PELI2: variants seen among roughly 807,000 people sequenced by gnomAD.
PELI2 encodes E3 ubiquitin-protein ligase pellino homolog 2.
In PELI2, 23 loss-of-function variants were observed where a neutral mutation model predicts 42.3. The ratio of observed to expected loss-of-function variants is 0.54; its 90% CI spans 0.39 to 0.77. The LOEUF (loss-of-function observed/expected upper bound fraction) is 0.77. PELI2 is among the 30% of genes least tolerant of loss of function. The pLI, the probability that PELI2 is intolerant of heterozygous loss-of-function variation, is 0.00. For missense variants in PELI2, 463 were observed against 553.2 expected (o/e 0.84, Z 1.64); for synonymous variants, 245 against 212.2 (o/e 1.15, Z -1.34).
chr14:56,192,134 T>C (rs242397), intron 2 of PELI2, among the ~76,000 whole-genome samples: 127,514 of 152,276 alleles, frequency 0.84, 53,949 homozygotes, highest in African/African-American at 0.96. Context: ...GGATTACAGG[T>C]GTGAGCCACC....
intron 2 of PELI2, among the ~76,000 whole-genome samples, chr14:56,232,017 G>A (rs1478442416): frequency 6.6e-6 from 1 of 152,138 alleles, no homozygotes; most frequent in African/African-American, 2.4e-5. Context: ...AGAAGAAATG[G>A]ATAAATTCCT....
intron 2 of PELI2, among the ~76,000 whole-genome samples, chr14:56,213,533 A>C (rs1364623833): frequency 6.6e-6 from 1 of 152,224 alleles, no homozygotes. Context: ...TAAGTAGAAA[A>C]AGAGCAAAGC....
intron 2 of PELI2, among the ~76,000 whole-genome samples, chr14:56,203,097 T>C (rs1051563737): frequency 6.6e-5 from 10 of 152,310 alleles, no homozygotes; most frequent in Non-Finnish European, 1.3e-4. Flanking sequence ...GTGATAATAG[T>C]ATTGTGATTA....
chr14:56,277,396 A>C (rs868606155), intron 2 of PELI2, among the ~76,000 whole-genome samples: 7 of 151,998 alleles, frequency 4.6e-5, no homozygotes, highest in African/African-American at 1.7e-4. Flanking sequence ...CTAATGCCTG[A>C]TGATCTGTCA....
chr14:56,269,468 A>G (rs1268600057), intron 2 of PELI2, among the ~76,000 whole-genome samples: 1 of 152,064 alleles, frequency 6.6e-6, no homozygotes, highest in Non-Finnish European at 1.5e-5. Flanking sequence ...AATAGATTGC[A>G]CATTAGGTTG....
At chr14:56,137,543 A>T (rs747056384) in intron 1 of PELI2, among the ~76,000 whole-genome samples, 29 of 152,148 alleles carry the variant, frequency 1.9e-4, no homozygotes, top group Non-Finnish European at 3.2e-4. Flanking sequence ...CTTCTGCTGG[A>T]GATCAGGCTC....
At chr14:56,141,825 G>T (rs765493390) in intron 1 of PELI2, among the ~76,000 whole-genome samples, 1 of 152,194 alleles carries the variant, frequency 6.6e-6, no homozygotes, top group Admixed American at 6.5e-5. Flanking sequence ...GTGAGATTTG[G>T]TTGGGGACAC....
intron 1 of PELI2, among the ~76,000 whole-genome samples, chr14:56,141,198 C>T (rs560791707): frequency 8.9e-4 from 136 of 152,246 alleles, no homozygotes; most frequent in African/African-American, 3.2e-3. Context: ...GACAAAGTTT[C>T]CATTTGATTC....
intron 2 of PELI2, among the ~76,000 whole-genome samples, chr14:56,205,405 T>C (rs1025107499): frequency 4.6e-5 from 7 of 152,236 alleles, no homozygotes; most frequent in African/African-American, 1.7e-4. Flanking sequence ...GTCATGAGCC[T>C]GTAGGGGAGG....
chr14:56,149,277 T>C (rs1266471680), intron 1 of PELI2, among the ~76,000 whole-genome samples: 1 of 152,210 alleles, frequency 6.6e-6, no homozygotes, highest in Non-Finnish European at 1.5e-5. Flanking sequence ...ATATCCATGG[T>C]TATTGAAAAG....
intron 1 of PELI2, among the ~76,000 whole-genome samples, chr14:56,154,816 G>T (rs1349262518): frequency 6.6e-6 from 1 of 152,122 alleles, no homozygotes; most frequent in Admixed American, 6.5e-5. Flanking sequence ...CTTTTATAAG[G>T]GTGTTGATGA....
At position 56,118,671 on chromosome 14, in the gene PELI2, C is replaced by T; in HGVS notation, c.11C>T (p.Pro4Leu). Residue 4 changes from proline (P) to leucine (L), a missense_variant, in exon 1 of 6, where the codon CCT becomes CTT. Physicochemically the swap from Pro to Leu is moderately conservative, Grantham distance 98 (BLOSUM62 -3). Around this residue, in one of 3 missense-constraint regions of PELI2, gnomAD observed 343 missense variants for 378.4 expected, o/e 0.91. Transcript: ENST00000267460. MFS[P>L]GQEEHCAPNK... ...GCCGAGCGGGGCTCCATGTTTTCCC[C>T]TGGCCAGGAGGAACACTGCGCCCCC... 1 of 1,473,516 alleles carries T rather than the reference C, an allele frequency of 6.8e-7. No homozygotes were observed. The highest frequency in any genetic ancestry group is 9.0e-7 in the Non-Finnish European group (1 of 1,108,146). The allele number at this position is 1,473,516 out of a possible 1,614,324, so 91.3% of individuals were successfully genotyped here. A position where few individuals can be genotyped will look rare whatever the true frequency, so the allele number is the denominator to read the frequency against.
At chr14:56,163,147 T>G (rs1397647323) in intron 1 of PELI2, among the ~76,000 whole-genome samples, 1 of 152,240 alleles carries the variant, frequency 6.6e-6, no homozygotes, top group African/African-American at 2.4e-5. Context: ...AGGAAATTTT[T>G]GACTAGGCCA....
chr14:56,288,136 G>T lies in PELI2; in HGVS notation c.310-301G>T, dbSNP rs182649563. ...AAGTTCTAGAGAGTTGCTGTGCACC[G>T]TTCTGCCTGTAGTCAACAATGACTG... On this transcript the variant is annotated intron_variant, in intron 3 of 5. Coordinates refer to ENST00000267460, the MANE Select transcript of PELI2 (RefSeq NM_021255.3). The surrounding 1 kb of genome is among the most constrained non-coding windows in gnomAD (Gnocchi z 4.6). 6.6e-6 allele frequency among the ~76,000 whole-genome samples: 1 copy of T among 152,172 alleles called. No homozygotes were observed. The highest frequency in any genetic ancestry group is 2.4e-5 in the African/African-American group (1 of 41,436).
chr14:56,256,925 C>G (rs1888546541), intron 2 of PELI2, among the ~76,000 whole-genome samples: 1 of 152,176 alleles, frequency 6.6e-6, no homozygotes, highest in African/African-American at 2.4e-5. Context: ...AGCTGTCTAA[C>G]TAGCTAGGTA....
chr14:56,257,726 A>T (rs1888571964), intron 2 of PELI2, among the ~76,000 whole-genome samples: 1 of 152,186 alleles, frequency 6.6e-6, no homozygotes. Context: ...TCCCTGAGAG[A>T]AGGGAAATAA....
At chr14:56,122,260 T>TA (rs371358451) in intron 1 of PELI2, among the ~76,000 whole-genome samples, 35 of 151,584 alleles carry the variant, frequency 2.3e-4, no homozygotes, top group African/African-American at 6.8e-4. Context: ...TAAAGTATAA[T>TA]AAAAAAAAAT....
intron 2 of PELI2, among the ~76,000 whole-genome samples, chr14:56,181,037 T>C (rs186058139): frequency 6.6e-6 from 1 of 152,322 alleles, no homozygotes; most frequent in East Asian, 1.9e-4. Context: ...CCGTAGCATC[T>C]ATAGCTTGTA....
At chr14:56,237,669 G>C (rs1644498345) in intron 2 of PELI2, among the ~76,000 whole-genome samples, 1 of 150,000 alleles carries the variant, frequency 6.7e-6, no homozygotes, top group South Asian at 2.1e-4. Context: ...ATAATTGCTG[G>C]TTATTTCCCT....
Sources: allele counts gnomAD v4.1 joint callset (sites outside exome capture counted in the v4.1 genomes callset), GRCh38; gene constraint gnomAD v4.1.1; regional missense constraint gnomAD v4.1.1; non-coding constraint Gnocchi (gnomAD v3.1); transcripts MANE v1.5; gene names NCBI Gene and HGNC (gene_info 2026-07-23, HGNC 2026-07-21).